PCBP2: variants seen among roughly 807,000 people sequenced by gnomAD.
PCBP2 encodes poly(rC)-binding protein 2.
Under a neutral mutation model 50.1 loss-of-function variants are expected in PCBP2, and 4 were observed. The observed-to-expected ratio is 0.08, with a 90% confidence interval of 0.04 to 0.18. The LOEUF (loss-of-function observed/expected upper bound fraction) is 0.18. Among genes scored for constraint, PCBP2 ranks in the 10% least tolerant of loss-of-function variants. The pLI, the probability that PCBP2 is intolerant of heterozygous loss-of-function variation, is 1.00. For missense variants in PCBP2, 161 were observed against 474.3 expected, an observed-to-expected ratio of 0.34 and a Z score of 6.14; for synonymous variants, 179 against 168.0, an observed-to-expected ratio of 1.07 and a Z score of -0.51.
At chr12:53,455,211 G>C in intron 2 of PCBP2, 136 bp from the exon 3 acceptor site, 4 of 797,364 alleles carry the variant, frequency 5.0e-6, no homozygotes, top group Non-Finnish European at 7.9e-6. Flanking sequence ...ATAGCAGTCT[G>C]TTGGCTAGAC....
chr12:53,463,188 T>TTA (rs1941572678), intron 8 of PCBP2, among the ~76,000 whole-genome samples: 1 of 152,104 alleles, frequency 6.6e-6, no homozygotes, highest in Non-Finnish European at 1.5e-5. Flanking sequence ...ACCTTTGGTG[T>TTA]TAGAGTAAGA....
intron 5 of PCBP2, among the ~76,000 whole-genome samples, chr12:53,456,978 T>C (rs933148968): frequency 2.0e-5 from 3 of 152,228 alleles, no homozygotes; most frequent in Non-Finnish European, 4.4e-5. Context: ...CCAGAACTCA[T>C]GGCTTAGAAA....
intron 6 of PCBP2, chr12:53,460,145 C>CT (rs35129195): frequency 0.11 from 21,665 of 189,738 alleles, 1,108 homozygotes; most frequent in Non-Finnish European, 0.15. Context: ...AATTCTACAT[C>CT]TTTTTTTTTT....
intron 13 of PCBP2, among the ~76,000 whole-genome samples, chr12:53,469,721 C>G (rs1295636145): frequency 1.3e-5 from 2 of 150,260 alleles, no homozygotes; most frequent in Admixed American, 6.6e-5. Context: ...GAGCGAAACT[C>G]CATTTCAAAA....
chr12:53,452,811 C>G (rs11834179), intron 1 of PCBP2: 1 of 152,172 alleles, frequency 6.6e-6, no homozygotes, highest in East Asian at 1.9e-4. Context: ...GCGCCCCCCC[C>G]CGACCGAACC....
chr12:53,454,923 G>C, intron 2 of PCBP2, 54 bp downstream of exon 2: 2 of 1,439,268 alleles, frequency 1.4e-6, no homozygotes, highest in South Asian at 1.1e-5. Context: ...GAGGGGCCAG[G>C]AAGAGCAGAC....
chr12:53,471,556 G>C (rs1942236760), intron 13 of PCBP2, 82 bp from the exon 14 acceptor site: 1 of 1,325,424 alleles, frequency 7.5e-7, no homozygotes. Context: ...ACAGTCGTAG[G>C]ATTTGGGGTG....
chr12:53,452,832 T>C (rs1024073269), intron 1 of PCBP2: 4 of 151,892 alleles, frequency 2.6e-5, no homozygotes, highest in Admixed American at 1.3e-4. Context: ...GTTTATTTTT[T>C]CCCCCCTCTT....
intron 1 of PCBP2, among the ~76,000 whole-genome samples, chr12:53,453,680 G>A (rs1409055379): frequency 6.6e-6 from 1 of 152,214 alleles, no homozygotes; most frequent in Non-Finnish European, 1.5e-5. Flanking sequence ...TACTTAAAAT[G>A]TCATTGGGGA....
At chr12:53,470,572 C>CT (rs901870735) in intron 13 of PCBP2, among the ~76,000 whole-genome samples, 2 of 151,366 alleles carry the variant, frequency 1.3e-5, no homozygotes, top group East Asian at 4.0e-4. Context: ...CCCTGGCTAA[C>CT]TTTTTTTGTA....
chr12:53,458,032 G>T (rs1442894324), intron 5 of PCBP2, among the ~76,000 whole-genome samples: 2 of 152,042 alleles, frequency 1.3e-5, no homozygotes, highest in Non-Finnish European at 2.9e-5. Flanking sequence ...GGGTTCAAGC[G>T]ATTCTCCTGC....
intron 12 of PCBP2, 45 bp from the exon 13 acceptor site, chr12:53,468,732 T>G (rs949188562): frequency 5.5e-6 from 8 of 1,453,086 alleles, no homozygotes; most frequent in Non-Finnish European, 7.7e-6. Flanking sequence ...CAGTGAGGTT[T>G]TGAATGCTGT....
chr12:53,461,083 T>A lies in PCBP2; in HGVS notation c.444T>A (p.Ile148=). ...ACTCAACTGAGCGGGCCATCACTAT[T>A]GCTGGCATTCCACAATCCATCATTG... ...LPNSTERAIT[I]AGIPQSIIEC... Residue 148 remains isoleucine, a synonymous_variant, in exon 7 of 15, where the codon ATT becomes ATA. Coordinates refer to ENST00000546463, the MANE Select transcript of PCBP2 (RefSeq NM_031989.5). The A allele has an allele frequency of 6.2e-7, 1 of 1,614,068 alleles. No homozygotes were observed. The highest frequency in any genetic ancestry group is 1.1e-5 in the South Asian group (1 of 91,072).
intron 13 of PCBP2, 103 bp downstream of exon 13, chr12:53,468,935 T>A: frequency 1.1e-6 from 1 of 906,446 alleles, no homozygotes; most frequent in Non-Finnish European, 1.7e-6. Flanking sequence ...TTTTTTTTTT[T>A]TAAACAGCCC....
rs1940918177 is a variant in PCBP2 at position 53,455,289 on chromosome 12, T to A, written c.70-58T>A. 5 of 1,496,942 alleles carry A rather than the reference T, an allele frequency of 3.3e-6. No individual in the cohort carries two copies. In the South Asian group the frequency reaches 6.2e-5, roughly 18 times the overall value. The allele number at this position is 1,496,942 out of a possible 1,614,324, so 92.7% of individuals were successfully genotyped here. A position where few individuals can be genotyped will look rare whatever the true frequency, so the allele number is the denominator to read the frequency against. The stretch of plus-strand genomic sequence containing the variant: ...TAGAAAAAGGAAAAATAAAATATAT[T>A]TTTAAAAAGGAATACTTCTGAGTTT... On this transcript the variant is annotated intron_variant, in intron 2 of 14. Transcript: ENST00000546463.
intron 6 of PCBP2, chr12:53,460,614 C>T (rs1190300846): frequency 1.8e-5 from 4 of 218,488 alleles, no homozygotes; most frequent in Non-Finnish European, 2.9e-5. Flanking sequence ...TTGCTATATT[C>T]GAAGCACTTC....
At chr12:53,470,378 C>CAAAA (rs754350790) in intron 13 of PCBP2, among the ~76,000 whole-genome samples, 4 of 47,360 alleles carry the variant, frequency 8.4e-5, no homozygotes, top group East Asian at 9.3e-4. Flanking sequence ...CTCCGTCTCT[C>CAAAA]AAAAAAAAAA....
intron 5 of PCBP2, among the ~76,000 whole-genome samples, chr12:53,456,562 C>A (rs963234680): frequency 6.6e-6 from 1 of 152,092 alleles, no homozygotes; most frequent in Non-Finnish European, 1.5e-5. Context: ...TATGCCATTG[C>A]TTTGGTAAAA....
intron 5 of PCBP2, among the ~76,000 whole-genome samples, chr12:53,458,811 G>T (rs966637048): frequency 6.7e-6 from 1 of 149,806 alleles, no homozygotes; most frequent in Non-Finnish European, 1.5e-5. Flanking sequence ...GCTAATTTTT[G>T]TATTTTTAGT....
Sources: gnomAD v4.1 joint callset for allele counts (sites outside exome capture counted in the v4.1 genomes callset) on GRCh38, gnomAD v4.1.1 for gene constraint, MANE v1.5 for transcripts, NCBI Gene and HGNC (gene_info 2026-07-23, HGNC 2026-07-21) for gene names.